The following TANGO6 variants were observed in gnomAD, a reference collection of about 807,000 sequenced individuals.
TANGO6 encodes transport and golgi organization 6 homolog.
TANGO6 carries 90 observed loss-of-function variants against 114.2 expected under a neutral mutation model. The ratio of observed to expected loss-of-function variants is 0.79; its 90% CI spans 0.66 to 0.94. TANGO6 has a LOEUF of 0.94. TANGO6 is among the 40% of genes least tolerant of loss of function. The pLI, the probability that TANGO6 is intolerant of heterozygous loss-of-function variation, is 0.00. For synonymous variants in TANGO6, 477 were observed against 509.8 expected, an observed-to-expected ratio of 0.94 and a Z score of 0.87; for missense variants, 1,274 against 1,315.3, an observed-to-expected ratio of 0.97 and a Z score of 0.49.
intron 14 of TANGO6, among the ~76,000 whole-genome samples, chr16:68,932,313 A>G (rs1178907846): frequency 6.6e-6 from 1 of 151,552 alleles, no homozygotes; most frequent in Non-Finnish European, 1.5e-5. Flanking sequence ...CTGGTCTCGA[A>G]CTCCTGACCT....
At chr16:68,845,874 A>G (rs1427661066) in intron 1 of TANGO6, among the ~76,000 whole-genome samples, 2 of 151,240 alleles carry the variant, frequency 1.3e-5, no homozygotes, top group African/African-American at 2.4e-5. Context: ...TTTTTTTGAG[A>G]CAGAGTTTCA....
chr16:68,997,359 A>G (rs1019127351), intron 15 of TANGO6, among the ~76,000 whole-genome samples: 1 of 152,230 alleles, frequency 6.6e-6, no homozygotes, highest in African/African-American at 2.4e-5. Context: ...TCTTGATTGT[A>G]TTCTGAACAG....
chr16:68,937,750 A>G (rs552667817), intron 14 of TANGO6: 1 of 152,136 alleles, frequency 6.6e-6, no homozygotes, highest in African/African-American at 2.4e-5. Context: ...ATTCCATGGT[A>G]TTGCTTAGCC....
intron 7 of TANGO6, among the ~76,000 whole-genome samples, chr16:68,892,831 T>C (rs938148433): frequency 1.3e-5 from 2 of 152,134 alleles, no homozygotes; most frequent in African/African-American, 2.4e-5. Context: ...CAGCCTTTCT[T>C]CCAGGCATCC....
chr16:68,946,031 T>A (rs1461322651), intron 14 of TANGO6, among the ~76,000 whole-genome samples: 1 of 152,052 alleles, frequency 6.6e-6, no homozygotes, highest in Non-Finnish European at 1.5e-5. Flanking sequence ...CATTGAGTTA[T>A]AACAGTTCTT....
At chr16:69,055,774 C>T (rs1410610574) in intron 17 of TANGO6, among the ~76,000 whole-genome samples, 4 of 152,216 alleles carry the variant, frequency 2.6e-5, no homozygotes, top group East Asian at 1.9e-4. Flanking sequence ...TGGCGTGTCA[C>T]GCCTGTAATC....
At chr16:68,907,049 C>T (rs528014272) in intron 9 of TANGO6, among the ~76,000 whole-genome samples, 238 of 151,536 alleles carry the variant, frequency 1.6e-3, no homozygotes, top group Non-Finnish European at 3.0e-3. Context: ...CCCGCCTCGG[C>T]TTCCCAAAGT....
intron 14 of TANGO6, among the ~76,000 whole-genome samples, chr16:68,949,541 A>G (rs1233141175): frequency 6.6e-6 from 1 of 152,070 alleles, no homozygotes; most frequent in African/African-American, 2.4e-5. Flanking sequence ...GAATCGCTTG[A>G]ACCCGGGAAG....
Position 69,022,956 on chromosome 16 carries a change from C to G in TANGO6, c.2971C>G (p.Leu991Val). ...GGAGCTGTGCCAGAGGCTGGACTTT[C>G]TGCTGGGCTCCGTGGTCCATGAGGT... ...LGELCQRLDF[L>V]LGSVVHEVTA... The change falls in exon 16 of 18, where the codon CTG becomes GTG. Residue 991 changes from leucine to valine, a missense_variant. Leu to Val is a conservative substitution (Grantham distance 32). Coordinates refer to ENST00000261778, the MANE Select transcript of TANGO6 (RefSeq NM_024562.2). 1.2e-6 allele frequency: 2 copies of G among 1,600,458 alleles called. No homozygotes were observed. The highest frequency in any genetic ancestry group is 1.7e-6 in the Non-Finnish European group (2 of 1,175,566).
intron 15 of TANGO6, among the ~76,000 whole-genome samples, chr16:69,015,269 A>G (rs1019322655): frequency 6.6e-5 from 10 of 152,086 alleles, no homozygotes; most frequent in Admixed American, 6.6e-4. Flanking sequence ...CCTTTGAGAA[A>G]TGCAGAGTGG....
Position 69,045,156 on chromosome 16 carries a change from CA to C in TANGO6, c.3108+4752del, listed in dbSNP as rs34165608. 4.2e-3 allele frequency among the ~76,000 whole-genome samples: 367 copies of C among 88,370 alleles called. 1 individual carries two copies. The highest frequency in any genetic ancestry group is 0.012 in the African/African-American group (216 of 18,408). 58.0% of individuals were successfully genotyped at this position (88,370 alleles called of 152,430 possible). On this transcript the variant is annotated intron_variant, in intron 17 of 17. Transcript: ENST00000261778. The stretch of plus-strand genomic sequence containing the variant: ...GGGCGACAGAGGGAGACTCTTGTCT[CA>C]AAAAAAAAAAAAAAAAGCTGGGCGC...
intron 7 of TANGO6, among the ~76,000 whole-genome samples, chr16:68,890,290 C>T (rs574738219): frequency 6.6e-6 from 1 of 152,294 alleles, no homozygotes; most frequent in South Asian, 2.1e-4. Context: ...AGGAAGAAAT[C>T]TAACATTTGT....
chr16:68,968,584 C>T (rs1350872626), intron 14 of TANGO6, among the ~76,000 whole-genome samples: 10 of 151,634 alleles, frequency 6.6e-5, no homozygotes, highest in South Asian at 2.1e-4. Context: ...AGGCTGGTCT[C>T]GAACTCCTGA....
intron 7 of TANGO6, among the ~76,000 whole-genome samples, chr16:68,882,364 G>A (rs186718309): frequency 6.6e-6 from 1 of 152,006 alleles, no homozygotes; most frequent in Non-Finnish European, 1.5e-5. Flanking sequence ...GGGCGTGGTG[G>A]CAGGCACCTG....
At chr16:69,001,610 A>G (rs1964043869) in intron 15 of TANGO6, among the ~76,000 whole-genome samples, 1 of 152,202 alleles carries the variant, frequency 6.6e-6, no homozygotes, top group Non-Finnish European at 1.5e-5. Context: ...TTCTAGGGCT[A>G]AATAAGCAGG....
At chr16:69,028,564 C>T (rs369073216) in intron 16 of TANGO6, among the ~76,000 whole-genome samples, 1 of 151,864 alleles carries the variant, frequency 6.6e-6, no homozygotes, top group Non-Finnish European at 1.5e-5. Context: ...ACACGGGAGG[C>T]GGAGTTTGCA....
At chr16:68,982,544 G>A (rs191981319) in intron 15 of TANGO6, among the ~76,000 whole-genome samples, 4 of 151,512 alleles carry the variant, frequency 2.6e-5, no homozygotes, top group Non-Finnish European at 5.9e-5. Flanking sequence ...TGGCCAGGCT[G>A]GTCTCGAACT....
intron 3 of TANGO6, among the ~76,000 whole-genome samples, chr16:68,863,972 C>T (rs370592776): frequency 2.0e-5 from 3 of 151,516 alleles, no homozygotes; most frequent in East Asian, 2.0e-4. Context: ...GCCAGGAGTT[C>T]GAGACCAGCT....
chr16:69,049,989 T>C (rs1046289010), intron 17 of TANGO6, among the ~76,000 whole-genome samples: 10 of 152,234 alleles, frequency 6.6e-5, no homozygotes, highest in African/African-American at 1.9e-4. Context: ...TTGATGGACA[T>C]ATAGGATGTT....
Sources: allele counts gnomAD v4.1 joint callset (sites outside exome capture counted in the v4.1 genomes callset), GRCh38; gene constraint gnomAD v4.1.1; transcripts MANE v1.5; gene names NCBI Gene and HGNC (gene_info 2026-07-23, HGNC 2026-07-21).